The following ACBD6 variants were observed in gnomAD, a reference collection of about 807,000 sequenced individuals.
ACBD6 encodes acyl-CoA-binding domain-containing protein 6.
In ACBD6, 28 loss-of-function variants were observed where a neutral mutation model predicts 37.2. The observed-to-expected ratio is 0.75, with a 90% CI of 0.56 to 1.03. The LOEUF (loss-of-function observed/expected upper bound fraction) is 1.03, where lower values mean the gene tolerates loss of function less well. ACBD6 is among the 50% of genes least tolerant of loss of function. The pLI is 0.00. For missense variants in ACBD6, 340 were observed against 337.4 expected, an observed-to-expected ratio of 1.01 and a Z score of -0.06; for synonymous variants, 113 against 126.8, an observed-to-expected ratio of 0.89 and a Z score of 0.73.
rs1472993319 is a variant in ACBD6 at position 180,316,468 on chromosome 1, A to G, written c.664-1746T>C. Among the ~76,000 whole-genome samples, 6 of 152,182 alleles carry G rather than the reference A, an allele frequency of 3.9e-5. No individual in the cohort carries two copies. The East Asian group carries it at 1.2e-3, about 29-fold the overall frequency. ...TAATCTACTGCAATTTCAGGATTCTACTTAGGCATCCATCATGCAAGGTTG... is the reference window on the plus strand; with the variant it reads ...TAATCTACTGCAATTTCAGGATTCTGCTTAGGCATCCATCATGCAAGGTTG... On this transcript the variant is annotated intron_variant, in intron 6 of 7. Coordinates refer to ENST00000367595, the MANE Select transcript of ACBD6 (RefSeq NM_032360.4).
chr1:180,358,542 T>C (rs1434329012), intron 6 of ACBD6, among the ~76,000 whole-genome samples: 5 of 105,524 alleles, frequency 4.7e-5, no homozygotes, highest in Admixed American at 1.2e-4. Context: ...ATTAGCAATA[T>C]CATACAGAAA....
intron 6 of ACBD6, among the ~76,000 whole-genome samples, chr1:180,341,464 T>G (rs1651984877): frequency 1.3e-5 from 2 of 152,060 alleles, no homozygotes; most frequent in Admixed American, 1.3e-4. Flanking sequence ...AGGATAATAT[T>G]ATAGATGACA....
At chr1:180,497,492 A>G (rs552614520) in intron 1 of ACBD6, among the ~76,000 whole-genome samples, 3 of 152,196 alleles carry the variant, frequency 2.0e-5, no homozygotes, top group Non-Finnish European at 4.4e-5. Flanking sequence ...TAATCCCTTT[A>G]TACTCTCAGA....
intron 3 of ACBD6, among the ~76,000 whole-genome samples, chr1:180,463,622 G>C (rs765919144): frequency 9.2e-5 from 14 of 152,002 alleles, no homozygotes; most frequent in Non-Finnish European, 2.1e-4. Context: ...AATTCTATCA[G>C]AGGTACAAAG....
chr1:180,341,627 A>G (rs548803340), intron 6 of ACBD6, among the ~76,000 whole-genome samples: 2 of 152,246 alleles, frequency 1.3e-5, no homozygotes, highest in East Asian at 3.9e-4. Flanking sequence ...AGCGTTGTCT[A>G]TACTCTAATT....
At chr1:180,468,329 A>AT (rs1557883244) in intron 3 of ACBD6, among the ~76,000 whole-genome samples, 1 of 152,120 alleles carries the variant, frequency 6.6e-6, no homozygotes, top group Non-Finnish European at 1.5e-5. Flanking sequence ...GTAGGAGTCA[A>AT]AGCCTCCATG....
At chr1:180,489,716 G>A (rs1233178115) in intron 3 of ACBD6, among the ~76,000 whole-genome samples, 1 of 151,538 alleles carries the variant, frequency 6.6e-6, no homozygotes, top group African/African-American at 2.4e-5. Flanking sequence ...GAGTGCAATG[G>A]CACAACCTCG....
At chr1:180,419,621 G>C (rs991325310) in intron 4 of ACBD6, among the ~76,000 whole-genome samples, 1 of 152,162 alleles carries the variant, frequency 6.6e-6, no homozygotes, top group Non-Finnish European at 1.5e-5. Flanking sequence ...TTAACTACTA[G>C]TAGGCTACTG....
At chr1:180,479,035 A>C (rs1650916310) in intron 3 of ACBD6, among the ~76,000 whole-genome samples, 1 of 152,324 alleles carries the variant, frequency 6.6e-6, no homozygotes, top group East Asian at 1.9e-4. Context: ...CAGGACGCCA[A>C]GGTGGGAAGA....
At chr1:180,459,085 T>C (rs1410919925) in intron 3 of ACBD6, among the ~76,000 whole-genome samples, 1 of 152,174 alleles carries the variant, frequency 6.6e-6, no homozygotes, top group Non-Finnish European at 1.5e-5. Context: ...ATAATTCATA[T>C]TATAAAGCAC....
At chr1:180,356,855 GA>G (rs1196646356) in intron 6 of ACBD6, among the ~76,000 whole-genome samples, 1 of 25,040 alleles carries the variant, frequency 4.0e-5, no homozygotes, top group Non-Finnish European at 2.7e-4. Flanking sequence ...TGTCTCAAAA[GA>G]AAAAAAAAAA....
chr1:180,271,820 G>A, exon 14 of ACBD6: 1 of 1,613,884 alleles, frequency 6.2e-7, no homozygotes, highest in Non-Finnish European at 8.5e-7. Flanking sequence ...TATGTCCCTT[G>A]TGCTTGTGTG....
intron 6 of ACBD6, chr1:180,326,379 CT>C (rs1288759296): frequency 2.6e-5 from 4 of 152,384 alleles, no homozygotes; most frequent in African/African-American, 9.7e-5. Context: ...CTTCAGTCAG[CT>C]GTGGTGAATG....
rs779152961 is a variant in ACBD6, at chr1:180,413,334, GGAAAATAATTAAC to G, written c.573+19_573+31del. Reference sequence around the variant, plus strand: ...CACTGGGGCAGAACAACCATGCATAGGAAAATAATTAACAGGGCATGTTTTTCATACCTCTTCA... The same window carrying G: ...CACTGGGGCAGAACAACCATGCATAGAGGGCATGTTTTTCATACCTCTTCA... On this transcript the variant is annotated intron_variant, in intron 5 of 7. Coordinates refer to ENST00000367595, the MANE Select transcript of ACBD6 (RefSeq NM_032360.4). The G allele has an allele frequency of 1.1e-5, 17 of 1,555,668 alleles. No individual in the cohort carries two copies. The African/African-American group carries it at 2.0e-4, about 19-fold the overall frequency.
intron 6 of ACBD6, among the ~76,000 whole-genome samples, chr1:180,321,639 G>A (rs546036458): frequency 7.2e-5 from 11 of 152,172 alleles, no homozygotes; most frequent in African/African-American, 2.6e-4. Context: ...CTGCACTTCA[G>A]CCTGGGTGAC....
At chr1:180,405,742 G>A (rs949987523) in intron 5 of ACBD6, among the ~76,000 whole-genome samples, 1 of 152,136 alleles carries the variant, frequency 6.6e-6, no homozygotes, top group African/African-American at 2.4e-5. Flanking sequence ...TGAGCCTGAT[G>A]TTTGATAGCA....
intron 1 of ACBD6, among the ~76,000 whole-genome samples, chr1:180,496,176 A>T (rs1571584670): frequency 6.6e-6 from 1 of 152,294 alleles, no homozygotes; most frequent in East Asian, 1.9e-4. Flanking sequence ...TTGTAGTTAA[A>T]CTGCACAGTG....
chr1:180,347,083 A>G (rs1037073415), intron 6 of ACBD6, among the ~76,000 whole-genome samples: 1 of 152,096 alleles, frequency 6.6e-6, no homozygotes, highest in Non-Finnish European at 1.5e-5. Context: ...TCCAAACCCA[A>G]ACTAATACAG....
intron 3 of ACBD6, among the ~76,000 whole-genome samples, chr1:180,477,451 C>T (rs908253436): frequency 6.6e-6 from 1 of 152,092 alleles, no homozygotes; most frequent in Non-Finnish European, 1.5e-5. Context: ...TTTTTAATAA[C>T]ACACCATGCT....
Sources: allele counts gnomAD v4.1 joint callset (sites outside exome capture counted in the v4.1 genomes callset), GRCh38; gene constraint gnomAD v4.1.1; transcripts MANE v1.5; gene names NCBI Gene and HGNC (gene_info 2026-07-23, HGNC 2026-07-21).